Variants in RAPGEF2 observed in about 807,000 individuals in gnomAD.
RAPGEF2 encodes the protein Rap guanine nucleotide exchange factor 2.
RAPGEF2 carries 54 observed loss-of-function variants against 186.7 expected under a neutral mutation model. The ratio of observed to expected loss-of-function variants is 0.29; its 90% CI spans 0.23 to 0.36. The LOEUF (loss-of-function observed/expected upper bound fraction) is 0.36. Ranked by LOEUF, RAPGEF2 falls within the 10% of genes least tolerant of loss-of-function variation. RAPGEF2 has a pLI of 1.00. For synonymous variants in RAPGEF2, 712 were observed against 705.9 expected (o/e 1.01, Z -0.14); for missense variants, 1,532 against 2,045.0 (o/e 0.75, Z 4.84).
In RAPGEF2 at chr4:159,219,394, T is replaced by C. The variant is rs552523555; in HGVS notation, c.281+8811T>C. On this transcript the variant is annotated intron_variant, in intron 4 of 29. Coordinates refer to ENST00000691494, the MANE Select transcript of RAPGEF2 (RefSeq NM_001394067.2). ...TTTTTGAGACGGAGTCTTGCTCTGT[T>C]GCTCAGGCTGGAGTGCAGTGGTGCG... 4.9e-3 allele frequency among the ~76,000 whole-genome samples: 690 copies of C among 142,008 alleles called. 2 individuals carry two copies. Among genetic ancestry groups the C allele is most frequent in the Non-Finnish European group, 7.6e-3 (506 of 66,364 alleles). 93.2% of individuals were successfully genotyped at this position (142,008 alleles called of 152,430 possible).
chr4:159,132,791 T>C (rs78728864), intron 1 of RAPGEF2, among the ~76,000 whole-genome samples: 1,583 of 152,154 alleles, frequency 0.01, 28 homozygotes, highest in African/African-American at 0.035. Flanking sequence ...TAAGTGTATA[T>C]GATAATGTTT....
chr4:159,355,807 G>T, intron 28 of RAPGEF2, 46 bp from the exon 29 acceptor site: 1 of 1,438,086 alleles, frequency 7.0e-7, no homozygotes, highest in Non-Finnish European at 9.4e-7. Context: ...ATAAACTTTT[G>T]TGGCATGAAC....
At chr4:159,295,740 T>C (rs1315967472) in intron 7 of RAPGEF2, among the ~76,000 whole-genome samples, 32 of 134,320 alleles carry the variant, frequency 2.4e-4, no homozygotes, top group African/African-American at 9.4e-4. Context: ...TGTGTGTGTG[T>C]GTGTGTGTGT....
chr4:159,283,761 A>AT (rs991262969), intron 7 of RAPGEF2, among the ~76,000 whole-genome samples: 9 of 152,150 alleles, frequency 5.9e-5, no homozygotes, highest in Admixed American at 1.3e-4. Flanking sequence ...AAGCCAGGAC[A>AT]TTTTTTTAAA....
Position 159,251,920 on chromosome 4 carries a change from T to A in RAPGEF2, c.543+8129T>A, listed in dbSNP as rs560278298. On this transcript the variant is annotated intron_variant, in intron 7 of 29. Transcript: ENST00000691494. ...TTTGCTGCGGCTCACGCTTTGGGTC[T>A]GCCACGTCTTTAAGAGCGGTAACAC... Among the ~76,000 whole-genome samples the A allele has an allele frequency of 9.2e-5, 14 of 152,104 alleles. 1 individual carries two copies. Among genetic ancestry groups the A allele is most frequent in the Admixed American group, 9.2e-4 (14 of 15,280 alleles).
At chr4:159,269,760 G>A (rs970351755) in intron 7 of RAPGEF2, among the ~76,000 whole-genome samples, 2 of 152,020 alleles carry the variant, frequency 1.3e-5, no homozygotes, top group South Asian at 2.1e-4. Flanking sequence ...CCTATAATCC[G>A]AGCACTTTGA....
intron 1 of RAPGEF2, among the ~76,000 whole-genome samples, chr4:159,172,545 G>A (rs1027168408): frequency 6.6e-6 from 1 of 152,182 alleles, no homozygotes; most frequent in Non-Finnish European, 1.5e-5. Context: ...TGGGATGTCA[G>A]AGTATCAATG....
At chr4:159,348,242 AGATGGATGGATGGATGGATG>A (rs57748987) in intron 25 of RAPGEF2, among the ~76,000 whole-genome samples, 6 of 144,956 alleles carry the variant, frequency 4.1e-5, no homozygotes, top group Non-Finnish European at 5.9e-5. Flanking sequence ...ATAGATAGAT[AGATGGATGGATGGATGGATG>A]GATGGATGGA....
intron 4 of RAPGEF2, among the ~76,000 whole-genome samples, chr4:159,221,732 T>C (rs1338895113): frequency 6.6e-6 from 1 of 152,202 alleles, no homozygotes; most frequent in Non-Finnish European, 1.5e-5. Context: ...TCTTATATCA[T>C]CTGTAATTCC....
At position 159,345,121 on chromosome 4, in the gene RAPGEF2, T is replaced by A; in HGVS notation, c.3294T>A (p.Gly1098=). The part of the protein sequence containing the change: ...KWRSLGSLSQ[G]STNATVLDVA... ...CATCTTCCAGGTCTCTCAGCCAGGG[T>A]AGTACAAATGCAACAGTGCTAGATG... The change falls in exon 24 of 30, where the codon GGT becomes GGA. Residue 1098 remains glycine (G), a synonymous_variant. Coordinates refer to ENST00000691494, the MANE Select transcript of RAPGEF2 (RefSeq NM_001394067.2). 1 of 1,613,902 alleles carries A rather than the reference T, an allele frequency of 6.2e-7. No homozygotes were observed. Among genetic ancestry groups the A allele is most frequent in the South Asian group, 1.1e-5 (1 of 91,058 alleles).
intron 7 of RAPGEF2, among the ~76,000 whole-genome samples, chr4:159,257,488 C>T (rs1756321973): frequency 6.6e-6 from 1 of 152,138 alleles, no homozygotes; most frequent in African/African-American, 2.4e-5. Context: ...TCGTCTCCTA[C>T]CAAGTCCCTC....
rs538831700 is a variant in RAPGEF2, at chr4:159,351,935, A to C, written c.3866-750A>C. Among the ~76,000 whole-genome samples the C allele has an allele frequency of 3.3e-5, 5 of 152,356 alleles. No homozygotes were observed. In the South Asian group the frequency reaches 1.0e-3, roughly 32 times the overall value. On this transcript the variant is annotated intron_variant, in intron 26 of 29. Transcript: ENST00000691494. ...CACTGCACTCCAGCTTGGGTGACAGAGGGAGACTCCGTCTCAAAAACAAAA... is the reference window on the plus strand; with the variant it reads ...CACTGCACTCCAGCTTGGGTGACAGCGGGAGACTCCGTCTCAAAAACAAAA...
At chr4:159,301,871 TA>T (rs1023313256) in intron 7 of RAPGEF2, among the ~76,000 whole-genome samples, 4 of 151,186 alleles carry the variant, frequency 2.6e-5, no homozygotes, top group Non-Finnish European at 4.4e-5. Flanking sequence ...AAATAAAAAA[TA>T]AAAAAAAATC....
intron 4 of RAPGEF2, among the ~76,000 whole-genome samples, chr4:159,218,560 A>C (rs1311028031): frequency 5.3e-5 from 8 of 152,186 alleles, no homozygotes; most frequent in Admixed American, 5.2e-4. Flanking sequence ...GTTCAAGAAC[A>C]GCCTGGCCAA....
At chr4:159,337,583 A>G (rs1280429896) in intron 17 of RAPGEF2, among the ~76,000 whole-genome samples, 1 of 151,924 alleles carries the variant, frequency 6.6e-6, no homozygotes, top group Non-Finnish European at 1.5e-5. Context: ...TTTATGGCTT[A>G]TCTACTTAGA....
rs182266647 is a variant in RAPGEF2, at chr4:159,185,989, A to G, written c.70-653A>G. On this transcript the variant is annotated intron_variant, in intron 1 of 29. Coordinates refer to ENST00000691494, the MANE Select transcript of RAPGEF2 (RefSeq NM_001394067.2). ...CTAGATATTAGAGTCTTAAAATACT[A>G]AATCCTTTCTGGCTTGTCACAAATG... Among the ~76,000 whole-genome samples the G allele has an allele frequency of 2.1e-3, 324 of 152,238 alleles. 2 individuals are homozygous for G. The highest frequency in any genetic ancestry group is 7.2e-3 in the African/African-American group (300 of 41,580).
At chr4:159,186,228 A>G (rs900830240) in intron 1 of RAPGEF2, among the ~76,000 whole-genome samples, 4 of 151,996 alleles carry the variant, frequency 2.6e-5, no homozygotes, top group African/African-American at 9.7e-5. Flanking sequence ...ATTTATATCC[A>G]TTTTTAAGTG....
At chr4:159,186,180 T>C (rs1747536275) in intron 1 of RAPGEF2, among the ~76,000 whole-genome samples, 1 of 151,958 alleles carries the variant, frequency 6.6e-6, no homozygotes, top group South Asian at 2.1e-4. Context: ...AATATTTCTA[T>C]ATAAGATGTA....
chr4:159,295,917 G>GT (rs1761963053), intron 7 of RAPGEF2, among the ~76,000 whole-genome samples: 1 of 152,024 alleles, frequency 6.6e-6, no homozygotes, highest in Non-Finnish European at 1.5e-5. Context: ...TTAGTTTATT[G>GT]TTTTTAAAGA....
Sources: gnomAD v4.1 joint callset for allele counts (sites outside exome capture counted in the v4.1 genomes callset) on GRCh38, gnomAD v4.1.1 for gene constraint, MANE v1.5 for transcripts, NCBI Gene and HGNC (gene_info 2026-07-23, HGNC 2026-07-21) for gene names.